COL14A1: variants seen among roughly 807,000 people sequenced by gnomAD.
COL14A1 encodes collagen type XIV alpha 1 chain.
In COL14A1, 136 loss-of-function variants were observed where a neutral mutation model predicts 230.3. The ratio of observed to expected loss-of-function variants is 0.59; its 90% CI spans 0.51 to 0.68. The LOEUF (loss-of-function observed/expected upper bound fraction) is 0.68. Among genes scored for constraint, COL14A1 ranks in the 30% least tolerant of loss-of-function variants. COL14A1 has a pLI of 0.00. For missense variants in COL14A1, 1,976 were observed against 2,215.8 expected, an observed-to-expected ratio of 0.89 and a Z score of 2.17; for synonymous variants, 792 against 784.1, an observed-to-expected ratio of 1.01 and a Z score of -0.17.
At chr8:120,220,424 C>T (rs1194400801) in intron 14 of COL14A1, among the ~76,000 whole-genome samples, 2 of 151,958 alleles carry the variant, frequency 1.3e-5, no homozygotes, top group Non-Finnish European at 2.9e-5. Context: ...TAGGCACGCA[C>T]CACCACGCCC....
In COL14A1 at chr8:120,280,026, T is replaced by G. The variant is rs751731392; in HGVS notation, c.3573T>G (p.Phe1191Leu). Reference sequence around the variant, plus strand: ...AGCCCAGCGCACGCCATGTCTTCTTTGTGGATGACTTTGACGCCTTTAAGA... The same window carrying G: ...AGCCCAGCGCACGCCATGTCTTCTTGGTGGATGACTTTGACGCCTTTAAGA... ...GSKPSARHVF[F>L]VDDFDAFKKI... is the part of the protein sequence containing the mutation. Residue 1191 changes from phenylalanine (F) to leucine (L), a missense_variant, in exon 29 of 48, where the codon TTT (phenylalanine) becomes TTG (leucine). Coordinates refer to ENST00000297848, the MANE Select transcript of COL14A1 (RefSeq NM_021110.4). 6.2e-7 allele frequency: 1 copy of G among 1,613,926 alleles called. No individual in the cohort carries two copies. Among genetic ancestry groups the G allele is most frequent in the Non-Finnish European group, 8.5e-7 (1 of 1,179,860 alleles).
chr8:120,213,666 C>T (rs1422339346), intron 13 of COL14A1, among the ~76,000 whole-genome samples: 1 of 152,096 alleles, frequency 6.6e-6, no homozygotes, highest in Admixed American at 6.6e-5. Flanking sequence ...AAAAGCTTTC[C>T]CCAACAGCCC....
At position 120,162,459 on chromosome 8, in the gene COL14A1, C is replaced by G; in HGVS notation, c.239C>G (p.Thr80Ser). 1.2e-6 allele frequency: 2 copies of G among 1,611,322 alleles called. No homozygotes were observed. Among genetic ancestry groups the G allele is most frequent in the Non-Finnish European group, 1.7e-6 (2 of 1,178,960 alleles). The change falls in exon 4 of 48, where the codon ACT (threonine) becomes AGT (serine). Residue 80 changes from threonine (T) to serine (S), a missense_variant. Around this residue, in one of 3 missense-constraint regions of COL14A1, gnomAD observed 181 missense variants for 178.6 expected, o/e 1.01. Transcript: ENST00000297848. ...ACTAACCAGCTGAATCTGCAGAACA[C>G]TGCAACTAAAGCAATTATTCAAGGC... ...GKTNQLNLQNTATKAIIQGLM... is the reference protein window; with the variant it reads ...GKTNQLNLQNSATKAIIQGLM...
chr8:120,283,475 A>G (rs1367586736), intron 31 of COL14A1, among the ~76,000 whole-genome samples, 161 bp from the exon 32 acceptor site: 1 of 152,230 alleles, frequency 6.6e-6, no homozygotes, highest in East Asian at 1.9e-4. Context: ...AAATGCACAC[A>G]TTCTTTACTA....
At chr8:120,309,963 G>C in intron 36 of COL14A1, 46 bp from the exon 37 acceptor site, 2 of 1,585,696 alleles carry the variant, frequency 1.3e-6, no homozygotes, top group Non-Finnish European at 1.7e-6. Context: ...GAAATACACT[G>C]TTTTGAGATT....
At position 120,367,243 on chromosome 8, in the gene COL14A1, C is replaced by G. The variant is rs1823434865; in HGVS notation, c.5150C>G (p.Pro1717Arg). 6.2e-7 allele frequency: 1 copy of G among 1,608,884 alleles called. No individual in the cohort carries two copies. The highest frequency in any genetic ancestry group is 8.5e-7 in the Non-Finnish European group (1 of 1,178,330). Residue 1717 changes from proline to arginine, a missense_variant, in exon 46 of 48, where the codon CCA becomes CGA. Around this residue, in one of 3 missense-constraint regions of COL14A1, gnomAD observed 1,791 missense variants for 2,019.5 expected, o/e 0.89. Transcript: ENST00000297848. The stretch of plus-strand genomic sequence containing the variant: ...CAAGGTCCAAGAGGCCCCCCTGGAC[C>G]AGCAGGTAAATCTTCCTTCCTAACA... The part of the protein sequence containing the change: ...GTQGPRGPPG[P>R]AGPSGESRPG...
At chr8:120,326,768 G>A (rs1167112206) in intron 40 of COL14A1, among the ~76,000 whole-genome samples, 1 of 152,172 alleles carries the variant, frequency 6.6e-6, no homozygotes, top group Non-Finnish European at 1.5e-5. Flanking sequence ...GTTCATGCCC[G>A]TAATCCCAGC....
At chr8:120,317,278 G>T (rs1821266617) in intron 40 of COL14A1, among the ~76,000 whole-genome samples, 1 of 152,182 alleles carries the variant, frequency 6.6e-6, no homozygotes, top group African/African-American at 2.4e-5. Context: ...TAGCTATACT[G>T]TTCAAGAATA....
chr8:120,323,453 G>T (rs1339873700), intron 40 of COL14A1, among the ~76,000 whole-genome samples: 1 of 151,976 alleles, frequency 6.6e-6, no homozygotes, highest in East Asian at 1.9e-4. Context: ...TGCTTTTGTT[G>T]CAATTGCTTT....
intron 15 of COL14A1, among the ~76,000 whole-genome samples, chr8:120,226,332 T>C (rs1242154172): frequency 6.6e-6 from 1 of 152,164 alleles, no homozygotes; most frequent in Non-Finnish European, 1.5e-5. Flanking sequence ...TATGGCACTC[T>C]TGTTTTTTAT....
chr8:120,191,312 C>T (rs1221600962), intron 5 of COL14A1, among the ~76,000 whole-genome samples: 48 of 151,994 alleles, frequency 3.2e-4, no homozygotes, highest in African/African-American at 1.1e-3. Flanking sequence ...ACCCAGTAGT[C>T]ATTCAGGAGC....
chr8:120,205,618 C>T (rs1817403561), intron 9 of COL14A1, among the ~76,000 whole-genome samples: 1 of 151,992 alleles, frequency 6.6e-6, no homozygotes, highest in Non-Finnish European at 1.5e-5. Context: ...GCTACATGTC[C>T]TTCTCTCTAT....
chr8:120,130,237 A>G (rs796672531), intron 1 of COL14A1, among the ~76,000 whole-genome samples: 7 of 152,362 alleles, frequency 4.6e-5, no homozygotes, highest in African/African-American at 1.7e-4. Flanking sequence ...AAAAGAATAC[A>G]TAGACTTGCA....
chr8:120,294,708 G>A (rs1420528525), intron 34 of COL14A1, among the ~76,000 whole-genome samples: 2 of 151,282 alleles, frequency 1.3e-5, no homozygotes, highest in Non-Finnish European at 3.0e-5. Flanking sequence ...CCCCTGAAAT[G>A]TGCCTTGGAA....
At chr8:120,125,895 G>T (rs1045966303) in intron 1 of COL14A1, among the ~76,000 whole-genome samples, 2 of 152,142 alleles carry the variant, frequency 1.3e-5, no homozygotes, top group South Asian at 2.1e-4. Flanking sequence ...AGAACCAGGC[G>T]CTGGACGCAA....
intron 33 of COL14A1, among the ~76,000 whole-genome samples, chr8:120,288,404 G>A (rs544442031): frequency 3.9e-5 from 6 of 152,086 alleles, no homozygotes; most frequent in South Asian, 2.1e-4. Flanking sequence ...CTTTCAGCTC[G>A]TATGCAACAA....
chr8:120,259,142 A>G (rs1465462712), intron 23 of COL14A1, among the ~76,000 whole-genome samples: 3 of 152,164 alleles, frequency 2.0e-5, no homozygotes, highest in Non-Finnish European at 4.4e-5. Flanking sequence ...ATCATATGGA[A>G]CAAAACCTAT....
intron 26 of COL14A1, among the ~76,000 whole-genome samples, chr8:120,276,526 C>T (rs1286151863): frequency 6.6e-6 from 1 of 151,506 alleles, no homozygotes. Flanking sequence ...AATAGGTTCC[C>T]CACCCTGTGT....
At chr8:120,351,807 G>A (rs1442012240) in intron 45 of COL14A1, among the ~76,000 whole-genome samples, 1 of 75,272 alleles carries the variant, frequency 1.3e-5, no homozygotes, top group African/African-American at 6.1e-5. Context: ...TCTACCAGAG[G>A]TACAAGGAGG....
Sources: allele counts gnomAD v4.1 joint callset (sites outside exome capture counted in the v4.1 genomes callset), GRCh38; gene constraint gnomAD v4.1.1; regional missense constraint gnomAD v4.1.1; transcripts MANE v1.5; gene names NCBI Gene and HGNC (gene_info 2026-07-23, HGNC 2026-07-21).